PCLO: variants seen among roughly 807,000 people sequenced by gnomAD.
PCLO encodes the protein protein piccolo.
PCLO carries 82 observed loss-of-function variants against 427.5 expected under a neutral mutation model. The ratio of observed to expected loss-of-function variants is 0.19; its 90% CI spans 0.16 to 0.23. PCLO has a LOEUF of 0.23. PCLO is among the 10% of genes least tolerant of loss of function. The probability of loss-of-function intolerance (pLI) is 1.00; values close to 1 mark genes in which losing one functional copy is unlikely to be tolerated. For missense variants in PCLO, 6,239 were observed against 6,115.9 expected (o/e 1.02, Z -0.67); for synonymous variants, 2,357 against 2,155.4 (o/e 1.09, Z -2.59).
chr7:82,939,690 T>C (rs1795035891), intron 6 of PCLO, among the ~76,000 whole-genome samples: 1 of 148,512 alleles, frequency 6.7e-6, no homozygotes, highest in African/African-American at 2.4e-5. Context: ...TATAGATATA[T>C]TTTCCACTGG....
At chr7:83,072,531 G>GA (rs1789844854) in intron 3 of PCLO, among the ~76,000 whole-genome samples, 1 of 151,896 alleles carries the variant, frequency 6.6e-6, no homozygotes, top group Non-Finnish European at 1.5e-5. Context: ...AGAAATTGGG[G>GA]AAAAATGAAT....
chr7:82,765,145 A>G (rs1790507716), intron 22 of PCLO, among the ~76,000 whole-genome samples: 1 of 151,922 alleles, frequency 6.6e-6, no homozygotes, highest in Non-Finnish European at 1.5e-5. Flanking sequence ...GAAAAAATAC[A>G]GAAGTTCTGA....
In PCLO at chr7:83,134,844, T is replaced by C. The variant is rs1009026283; in HGVS notation, c.2706A>G (p.Ser902=). 6.2e-7 allele frequency: 1 copy of C among 1,611,612 alleles called. No homozygotes were observed. The change falls in exon 3 of 25, where the codon TCA becomes TCG. Residue 902 remains serine (S), a synonymous_variant. Coordinates refer to ENST00000333891, the MANE Select transcript of PCLO (RefSeq NM_033026.6). ...TTCCCAGATTCAGACTGAAACGCCT[T>C]GACTGCTCCTGAGGCTTTGGGGACT... ...PQQSPKPQEQ[S]RRFSLNLGSI...
intron 23 of PCLO, among the ~76,000 whole-genome samples, chr7:82,761,152 G>C (rs1790424840): frequency 6.6e-6 from 1 of 151,428 alleles, no homozygotes; most frequent in Non-Finnish European, 1.5e-5. Context: ...TTGTCCTTCT[G>C]TTGGCTAATG....
At position 82,847,130 on chromosome 7, in the gene PCLO, A is replaced by G; in HGVS notation, c.13763+9T>C. 1 of 1,473,802 alleles carries G rather than the reference A, an allele frequency of 6.8e-7. No homozygotes were observed. Among genetic ancestry groups the G allele is most frequent in the Non-Finnish European group, 9.4e-7 (1 of 1,059,408 alleles). The allele number at this position is 1,473,802 out of a possible 1,614,324, so 91.3% of individuals were successfully genotyped here. Reference sequence around the variant, plus strand: ...AAAAATGGAAACAGAAAGATGGGGAAAAACTCACAGTCTTACACATATTTC... The same window carrying G: ...AAAAATGGAAACAGAAAGATGGGGAGAAACTCACAGTCTTACACATATTTC... On this transcript the variant is annotated intron_variant, in intron 11 of 24. Transcript: ENST00000333891.
chr7:82,896,270 A>G (rs906681355), intron 9 of PCLO, among the ~76,000 whole-genome samples: 1 of 151,852 alleles, frequency 6.6e-6, no homozygotes, highest in Non-Finnish European at 1.5e-5. Flanking sequence ...ACGGAAAAAC[A>G]AAATGTTGAC....
chr7:83,156,674 AAAAGT>A (rs1339518348), intron 1 of PCLO, among the ~76,000 whole-genome samples: 1 of 151,764 alleles, frequency 6.6e-6, no homozygotes, highest in Non-Finnish European at 1.5e-5. Flanking sequence ...TACTTATAAT[AAAAGT>A]AATTTACCTT....
intron 20 of PCLO, among the ~76,000 whole-genome samples, chr7:82,812,445 G>C (rs577500367): frequency 3.3e-5 from 5 of 151,326 alleles, no homozygotes; most frequent in African/African-American, 1.2e-4. Flanking sequence ...CTTTTTTTGA[G>C]GGGTTTTTAG....
chr7:82,832,800 TACACACACACACACACAC>T (rs10645073), intron 16 of PCLO, among the ~76,000 whole-genome samples: 76 of 140,696 alleles, frequency 5.4e-4, no homozygotes, highest in African/African-American at 1.7e-3. Flanking sequence ...CTAAACTTAC[TACACACACACACACACAC>T]ACACACACAC....
At chr7:82,960,788 A>T (rs1795639613) in intron 4 of PCLO, among the ~76,000 whole-genome samples, 1 of 152,232 alleles carries the variant, frequency 6.6e-6, no homozygotes, top group African/African-American at 2.4e-5. Flanking sequence ...AATGACAGCT[A>T]GATGAATGAT....
chr7:82,954,634 T>G lies in PCLO; in HGVS notation c.6319A>C (p.Thr2107Pro). The stretch of plus-strand genomic sequence containing the variant: ...GACGCTCCTGAGAGAACACTTGATG[T>G]CAAAGAGGCATCTGGCATTCTGTCA... ...DFDRMPDASLTSSVLSGASLT... is the reference protein window; with the variant it reads ...DFDRMPDASLPSSVLSGASLT... Residue 2107 changes from threonine (T) to proline (P), a missense_variant, in exon 5 of 25, where the codon ACA (threonine) becomes CCA (proline). By Grantham distance (38) the Thr-to-Pro change is conservative. Transcript: ENST00000333891. The G allele has an allele frequency of 6.2e-7, 1 of 1,613,942 alleles. No homozygotes were observed. Among genetic ancestry groups the G allele is most frequent in the Non-Finnish European group, 8.5e-7 (1 of 1,179,852 alleles).
intron 3 of PCLO, among the ~76,000 whole-genome samples, chr7:83,015,468 T>C (rs1343926517): frequency 1.3e-5 from 2 of 152,050 alleles, no homozygotes; most frequent in Non-Finnish European, 2.9e-5. Context: ...TATTTCTATG[T>C]GATGTAGATA....
At chr7:82,909,749 G>C (rs1794277228) in intron 7 of PCLO, among the ~76,000 whole-genome samples, 1 of 151,934 alleles carries the variant, frequency 6.6e-6, no homozygotes, top group South Asian at 2.1e-4. Flanking sequence ...TTACGTAGTA[G>C]CCTAATATTA....
intron 3 of PCLO, among the ~76,000 whole-genome samples, chr7:82,972,172 C>T (rs544377127): frequency 2.6e-5 from 4 of 151,904 alleles, no homozygotes; most frequent in African/African-American, 9.7e-5. Flanking sequence ...TCAGCTAGTA[C>T]ATGTTAATAA....
intron 6 of PCLO, among the ~76,000 whole-genome samples, chr7:82,923,048 T>C (rs753905721): frequency 6.6e-6 from 1 of 152,036 alleles, no homozygotes; most frequent in Non-Finnish European, 1.5e-5. Flanking sequence ...AAATTATCTG[T>C]AAACAAGATA....
chr7:82,784,654 T>C (rs553372915), intron 22 of PCLO, among the ~76,000 whole-genome samples: 1 of 152,306 alleles, frequency 6.6e-6, no homozygotes, highest in East Asian at 1.9e-4. Context: ...CTTGAGTATT[T>C]ACTGTATTTC....
At chr7:82,998,632 C>A (rs1299710897) in intron 3 of PCLO, among the ~76,000 whole-genome samples, 1 of 151,844 alleles carries the variant, frequency 6.6e-6, no homozygotes, top group Non-Finnish European at 1.5e-5. Flanking sequence ...AGTCCAGAGG[C>A]ACATGTTCAC....
chr7:82,914,754 G>A lies in PCLO; in HGVS notation c.13232C>T (p.Thr4411Ile). The change falls in exon 7 of 25, where the codon ACT becomes ATT. Residue 4411 changes from threonine (T) to isoleucine (I), a missense_variant. Coordinates refer to ENST00000333891, the MANE Select transcript of PCLO (RefSeq NM_033026.6). Reference protein sequence around the residue: ...VQQHMREESRTRGYDRDIAFI... With the variant: ...VQQHMREESRIRGYDRDIAFI... ...TGCTATGTCACGGTCATAGCCTCGA[G>A]TCCGTGATTCTTCCCTCATGTGTTG... 6.2e-7 allele frequency: 1 copy of A among 1,613,348 alleles called. No individual in the cohort carries two copies. Among genetic ancestry groups the A allele is most frequent in the South Asian group, 1.1e-5 (1 of 91,054 alleles).
At position 82,916,853 on chromosome 7, in the gene PCLO, C is replaced by G. The variant is rs1205239098; in HGVS notation, c.11133G>C (p.Met3711Ile). The G allele has an allele frequency of 6.2e-7, 1 of 1,612,736 alleles. No homozygotes were observed. The highest frequency in any genetic ancestry group is 8.5e-7 in the Non-Finnish European group (1 of 1,179,290). ...CTTTTTTCTGGGCTCCAGAGGATGT[C>G]ATGGTTTGAGAACCTTTAGTCTATA... The part of the protein sequence containing the change: ...EGYTTKGSQT[M>I]TSSGAQKKVK... The change falls in exon 7 of 25, where the codon ATG (methionine) becomes ATC (isoleucine). Residue 3711 changes from methionine (M) to isoleucine (I), a missense_variant. Around this residue, in one of 5 missense-constraint regions of PCLO, gnomAD observed 4,677 missense variants for 4,468.4 expected, o/e 1.05. Transcript: ENST00000333891.
Sources: gnomAD v4.1 joint callset for allele counts (sites outside exome capture counted in the v4.1 genomes callset) on GRCh38, gnomAD v4.1.1 for gene constraint, gnomAD v4.1.1 regional missense constraint, MANE v1.5 for transcripts, NCBI Gene and HGNC (gene_info 2026-07-23, HGNC 2026-07-21) for gene names.